TMEM53: variants seen among roughly 807,000 people sequenced by gnomAD.
TMEM53 encodes novel DUF829 domain-containing protein.
A neutral mutation model predicts 21.4 loss-of-function variants in TMEM53; 14 were observed. That is an observed-to-expected ratio of 0.65 (90% confidence interval 0.43 to 1.02). The LOEUF is 1.02. Among genes scored for constraint, TMEM53 ranks in the 50% least tolerant of loss-of-function variants. The pLI is 0.00. For missense variants in TMEM53, 323 were observed against 383.6 expected (o/e 0.84, Z 1.32); for synonymous variants, 148 against 157.4 (o/e 0.94, Z 0.45).
chr1:44,660,486 A>G (rs1161021172), intron 1 of TMEM53, among the ~76,000 whole-genome samples, 191 bp from the exon 2 acceptor site: 1 of 152,202 alleles, frequency 6.6e-6, no homozygotes, highest in Non-Finnish European at 1.5e-5. Flanking sequence ...AGGAGGCACC[A>G]TGGGGTCACC....
At chr1:44,659,009 C>T (rs1644875250) in intron 2 of TMEM53, among the ~76,000 whole-genome samples, 2 of 152,184 alleles carry the variant, frequency 1.3e-5, no homozygotes, top group African/African-American at 4.8e-5. Flanking sequence ...CCTCAAGGAT[C>T]TCAGGCTAAT....
At chr1:44,659,855 CTTTT>C (rs35618807) in intron 2 of TMEM53, among the ~76,000 whole-genome samples, 2 of 106,940 alleles carry the variant, frequency 1.9e-5, no homozygotes, top group Admixed American at 1.0e-4. Context: ...TCCTCACAGG[CTTTT>C]TTTTTTTTTT....
chr1:44,654,678 G>A lies in TMEM53; in HGVS notation c.715C>T (p.Arg239Trp), dbSNP rs760237323. 9.9e-6 allele frequency: 16 copies of A among 1,614,128 alleles called. No individual in the cohort carries two copies. Among genetic ancestry groups the A allele is most frequent in the Non-Finnish European group, 1.1e-5 (13 of 1,180,028 alleles). The change falls in exon 3 of 3, where the codon CGG (arginine) becomes TGG (tryptophan). Residue 239 changes from arginine (R) to tryptophan (W), a missense_variant. By Grantham distance (101) the Arg-to-Trp change is moderately radical. Around this residue, in one of 3 missense-constraint regions of TMEM53, gnomAD observed 269 missense variants for 334.5 expected, o/e 0.80. Transcript: ENST00000372237. This position sits in a 1 kb window ranked among gnomAD's most constrained non-coding sequence, Gnocchi z 7.0. Reference sequence around the variant, plus strand: ...AAATCCACAGAACGCGCCAGGACCCGGCGTGCCAGGCGTGCCTCCACCATG... The same window carrying A: ...AAATCCACAGAACGCGCCAGGACCCAGCGTGCCAGGCGTGCCTCCACCATG... ...ERMVEARLARRVLARSVDFVS... is the reference protein window; with the variant it reads ...ERMVEARLARWVLARSVDFVS...
intron 1 of TMEM53, among the ~76,000 whole-genome samples, chr1:44,661,841 G>A (rs189489794): frequency 8.4e-4 from 128 of 152,274 alleles, no homozygotes; most frequent in African/African-American, 2.8e-3. Flanking sequence ...CACCACCAGG[G>A]CTGCCTTTGA....
chr1:44,661,315 C>T (rs552010516), intron 1 of TMEM53, among the ~76,000 whole-genome samples: 1 of 152,180 alleles, frequency 6.6e-6, no homozygotes, highest in South Asian at 2.1e-4. Context: ...AGGGCAACCT[C>T]CATCTCCCGG....
chr1:44,672,931 G>C (rs1310358079), intron 1 of TMEM53, among the ~76,000 whole-genome samples: 1 of 152,206 alleles, frequency 6.6e-6, no homozygotes, highest in Non-Finnish European at 1.5e-5. Flanking sequence ...CACAGTGGAG[G>C]AATCTCAGGC....
At chr1:44,657,997 C>T (rs1033932749) in intron 2 of TMEM53, among the ~76,000 whole-genome samples, 1 of 152,042 alleles carries the variant, frequency 6.6e-6, no homozygotes, top group Non-Finnish European at 1.5e-5. Flanking sequence ...TGGGATCTTA[C>T]TCCATCTACT....
In TMEM53 at chr1:44,654,803, G is replaced by A; in HGVS notation, c.590C>T (p.Thr197Ile). The A allele has an allele frequency of 6.2e-7, 1 of 1,613,866 alleles. No homozygotes were observed. The highest frequency in any genetic ancestry group is 8.5e-7 in the Non-Finnish European group (1 of 1,180,036). Residue 197 changes from threonine (T) to isoleucine (I), a missense_variant, in exon 3 of 3, where the codon ACC becomes ATC. Physicochemically the swap from Thr to Ile is moderately conservative, Grantham distance 89 (BLOSUM62 -1). This residue lies in a region of TMEM53 where 269 missense variants were observed against 334.5 expected (regional missense o/e 0.80). Coordinates refer to ENST00000372237, the MANE Select transcript of TMEM53 (RefSeq NM_024587.4). This position sits in a 1 kb window ranked among gnomAD's most constrained non-coding sequence, Gnocchi z 7.0. ...GTCCTGTAGCCTGTCATAGAAGTGG[G>A]TGTGGAAGAGGGCTGTGATGGGAGC... ...LLAPITALFH[T>I]HFYDRLQDAG...
chr1:44,667,315 G>GTT (rs5773848), intron 1 of TMEM53, among the ~76,000 whole-genome samples: 7,764 of 138,254 alleles, frequency 0.056, 778 homozygotes, highest in African/African-American at 0.19. Context: ...TTTTTTTGTT[G>GTT]TTTTTTTTTT....
In TMEM53 at chr1:44,673,929, C is replaced by G. The variant is rs943885282; in HGVS notation, c.61+402G>C. 10 of 985,310 alleles carry G rather than the reference C, an allele frequency of 1.0e-5. No individual in the cohort carries two copies. In the African/African-American group the frequency reaches 1.2e-4, roughly 12 times the overall value. 61.0% of individuals were successfully genotyped at this position (985,310 alleles called of 1,614,324 possible). ...GGATCGGTGACCCCGCGAGCCTCCC[C>G]CTCCACGCCTTCGGGAAAATAATAA... On this transcript the variant is annotated intron_variant, in intron 1 of 2. Transcript: ENST00000372237.
chr1:44,657,131 C>T (rs1644857777), intron 2 of TMEM53, among the ~76,000 whole-genome samples: 1 of 151,848 alleles, frequency 6.6e-6, no homozygotes, highest in South Asian at 2.1e-4. Context: ...AGAGTTGAGG[C>T]TGCAGTGAGC....
chr1:44,660,268 T>C lies in TMEM53; in HGVS notation c.89A>G (p.Glu30Gly), dbSNP rs1445482396. The C allele has an allele frequency of 1.2e-6, 2 of 1,613,712 alleles. No homozygotes were observed. The highest frequency in any genetic ancestry group is 2.7e-5 in the African/African-American group (2 of 74,880). Residue 30 changes from glutamate (E) to glycine (G), a missense_variant, in exon 2 of 3, where the codon GAG becomes GGG. Physicochemically the swap from Glu to Gly is moderately conservative, Grantham distance 98. This residue lies in a region of TMEM53 where 5 missense variants were observed against 16.2 expected (regional missense o/e 0.31). Coordinates refer to ENST00000372237, the MANE Select transcript of TMEM53 (RefSeq NM_024587.4). ...CACCACAGGCTGCCGAGTTTCTGCC[T>C]CCTTCCCACCTGGGCTGGGGCTGTT... ...QKNSPSPGGK[E>G]AETRQPVVIL...
intron 1 of TMEM53, among the ~76,000 whole-genome samples, chr1:44,662,633 G>A (rs371163078): frequency 9.9e-5 from 15 of 152,004 alleles, no homozygotes; most frequent in African/African-American, 3.6e-4. Flanking sequence ...CCCTGTTCTG[G>A]GAGGCTCCCT....
chr1:44,656,249 C>A (rs1644848418), intron 2 of TMEM53, among the ~76,000 whole-genome samples: 2 of 152,240 alleles, frequency 1.3e-5, no homozygotes, highest in South Asian at 4.1e-4. Flanking sequence ...TGGGATAACA[C>A]CCACCTCATA....
At position 44,654,451 on chromosome 1, in the gene TMEM53, C is replaced by T; in HGVS notation, c.*108G>A. On this transcript the variant is annotated 3_prime_UTR_variant, in exon 3 of 3. Transcript: ENST00000372237. This position sits in a 1 kb window ranked among gnomAD's most constrained non-coding sequence, Gnocchi z 7.0. ...TTTTCTACTTAGGGGACCGCAAAGT[C>T]CCAAAGGGCTACAGGGAGTTGAACG... The T allele has an allele frequency of 7.3e-7, 1 of 1,373,024 alleles. No homozygotes were observed. The highest frequency in any genetic ancestry group is 1.0e-6 in the Non-Finnish European group (1 of 1,004,914). The allele number at this position is 1,373,024 out of a possible 1,614,324, so 85.1% of individuals were successfully genotyped here.
chr1:44,672,871 G>T (rs962522903), intron 1 of TMEM53, among the ~76,000 whole-genome samples: 1 of 150,248 alleles, frequency 6.7e-6, no homozygotes, highest in South Asian at 2.1e-4. Flanking sequence ...ACGCTACCTC[G>T]TAACCCTCGC....
chr1:44,668,651 C>T (rs1048384593), intron 1 of TMEM53, among the ~76,000 whole-genome samples: 1 of 152,128 alleles, frequency 6.6e-6, no homozygotes, highest in African/African-American at 2.4e-5. Flanking sequence ...AGGTAATCCT[C>T]CTACCTCAGC....
chr1:44,658,158 T>C (rs1255990958), intron 2 of TMEM53, among the ~76,000 whole-genome samples: 1 of 152,140 alleles, frequency 6.6e-6, no homozygotes, highest in Non-Finnish European at 1.5e-5. Context: ...ACCCTCTTCA[T>C]CTTCCACTCC....
intron 1 of TMEM53, among the ~76,000 whole-genome samples, chr1:44,669,739 T>G (rs1573233951): frequency 3.3e-5 from 5 of 150,366 alleles, no homozygotes; most frequent in African/African-American, 1.2e-4. Context: ...GGATCTCAAA[T>G]CCAGGGTCTA....
Sources: allele counts gnomAD v4.1 joint callset (sites outside exome capture counted in the v4.1 genomes callset), GRCh38; gene constraint gnomAD v4.1.1; regional missense constraint gnomAD v4.1.1; non-coding constraint Gnocchi (gnomAD v3.1); transcripts MANE v1.5; gene names NCBI Gene and HGNC (gene_info 2026-07-23, HGNC 2026-07-21).